The following FRYL variants were observed in gnomAD, a reference collection of about 807,000 sequenced individuals.
FRYL encodes the protein protein furry homolog-like.
A neutral mutation model predicts 351.2 loss-of-function variants in FRYL; 150 were observed. That is an observed-to-expected ratio of 0.43 (90% confidence interval 0.37 to 0.49). FRYL has a LOEUF of 0.49. Ranked by LOEUF, FRYL falls within the 20% of genes least tolerant of loss-of-function variation. The pLI, the probability that FRYL is intolerant of heterozygous loss-of-function variation, is 0.00. For missense variants in FRYL, 3,036 were observed against 3,619.3 expected, an observed-to-expected ratio of 0.84 and a Z score of 4.13; for synonymous variants, 1,153 against 1,257.1, an observed-to-expected ratio of 0.92 and a Z score of 1.75.
intron 2 of FRYL, among the ~76,000 whole-genome samples, chr4:48,698,719 A>G (rs929785361): frequency 6.6e-6 from 1 of 152,218 alleles, no homozygotes; most frequent in African/African-American, 2.4e-5. Context: ...AGAACATGCC[A>G]CCACAAAGCT....
chr4:48,750,983 G>A (rs1460481291), intron 1 of FRYL, among the ~76,000 whole-genome samples: 2 of 152,172 alleles, frequency 1.3e-5, no homozygotes, highest in Non-Finnish European at 2.9e-5. Context: ...ACTGACTTCA[G>A]GCTGAGCAAC....
chr4:48,674,132 G>A (rs370721695), intron 3 of FRYL, among the ~76,000 whole-genome samples: 4 of 151,958 alleles, frequency 2.6e-5, no homozygotes, highest in South Asian at 2.1e-4. Context: ...AATGAACAGC[G>A]ACAATATTAA....
chr4:48,589,679 C>T, intron 18 of FRYL, 66 bp downstream of exon 18: 3 of 1,489,000 alleles, frequency 2.0e-6, no homozygotes, highest in Non-Finnish European at 2.8e-6. Context: ...GACAGGTAAG[C>T]AAGAACCATC....
At position 48,515,218 on chromosome 4, in the gene FRYL, A is replaced by G. The variant is rs1057261155; in HGVS notation, c.7747T>C (p.Tyr2583His). ...GATTCCTGCTGTTCTTGAATTATAT[A>G]GGATCCTTCATCTTCAAAGGTTGTA... ...HVTTFEDEGS[Y>H]IIQEQQESLV... The change falls in exon 56 of 64, where the codon TAT becomes CAT. Residue 2583 changes from tyrosine to histidine, a missense_variant. Physicochemically the swap from Tyr to His is moderately conservative, Grantham distance 83 (BLOSUM62 2). Transcript: ENST00000358350. 5.6e-6 allele frequency: 9 copies of G among 1,611,926 alleles called. No homozygotes were observed. Among genetic ancestry groups the G allele is most frequent in the Non-Finnish European group, 7.6e-6 (9 of 1,178,020 alleles).
intron 3 of FRYL, among the ~76,000 whole-genome samples, chr4:48,647,993 A>G (rs1756875990): frequency 1.3e-5 from 2 of 152,150 alleles, no homozygotes; most frequent in African/African-American, 4.8e-5. Context: ...AATTTCCGTT[A>G]TCTCCTGTAC....
rs752965584 is a variant in FRYL at position 48,549,510 on chromosome 4, C to T, written c.4747G>A (p.Val1583Met). The T allele has an allele frequency of 4.3e-6, 7 of 1,612,538 alleles. No individual in the cohort carries two copies. The highest frequency in any genetic ancestry group is 1.3e-5 in the African/African-American group (1 of 74,990). The change falls in exon 39 of 64, where the codon GTG (valine) becomes ATG (methionine). Residue 1583 changes from valine to methionine, a missense_variant. Transcript: ENST00000358350. The surrounding 1 kb of genome is among the most constrained non-coding windows in gnomAD (Gnocchi z 4.2). ...AATCCAGGTGATGACGTTTCAGGCA[C>T]GTAATCCACCAGTGGTGACCAGCAG... ...GGCWSPLVDYVPETSSPGLPL... is the reference protein window; with the variant it reads ...GGCWSPLVDYMPETSSPGLPL...
intron 53 of FRYL, among the ~76,000 whole-genome samples, chr4:48,525,905 A>C (rs1324409084): frequency 6.6e-6 from 1 of 151,710 alleles, no homozygotes; most frequent in East Asian, 1.9e-4. Context: ...GAGTTGATGA[A>C]TGTGTATGAG....
chr4:48,515,379 GGT>G (rs1470597473), intron 55 of FRYL, 104 bp from the exon 56 acceptor site: 3 of 854,616 alleles, frequency 3.5e-6, no homozygotes, highest in Non-Finnish European at 5.3e-6. Context: ...TTTATTAAGT[GGT>G]GTTCATTTAT....
At chr4:48,586,493 TA>T (rs1177965209) in intron 19 of FRYL, 127 bp downstream of exon 19, 3 of 526,244 alleles carry the variant, frequency 5.7e-6, no homozygotes, top group Non-Finnish European at 9.8e-6. Flanking sequence ...GTTTAGAAAG[TA>T]AATCAGATAA....
chr4:48,552,987 T>C (rs1733218628), intron 36 of FRYL, among the ~76,000 whole-genome samples: 1 of 151,744 alleles, frequency 6.6e-6, no homozygotes, highest in Non-Finnish European at 1.5e-5. Flanking sequence ...TATAGGTGTG[T>C]ATATATATAT....
intron 1 of FRYL, among the ~76,000 whole-genome samples, chr4:48,735,074 G>A (rs1163050293): frequency 2.0e-3 from 237 of 121,536 alleles, no homozygotes; most frequent in Non-Finnish European, 5.5e-4. Context: ...CTACTCATCT[G>A]ACAAAGGGCT....
intron 1 of FRYL, among the ~76,000 whole-genome samples, chr4:48,725,219 T>C (rs996615461): frequency 2.6e-5 from 4 of 152,134 alleles, no homozygotes; most frequent in African/African-American, 4.8e-5. Context: ...CTCCATCCAC[T>C]CCAAGAGCCT....
In FRYL at chr4:48,582,701, A is replaced by G. The variant is rs770015252; in HGVS notation, c.1782T>C (p.Ala594=). 1.9e-6 allele frequency: 3 copies of G among 1,614,116 alleles called. No homozygotes were observed. The highest frequency in any genetic ancestry group is 2.2e-5 in the East Asian group (1 of 44,876). Residue 594 remains alanine, a synonymous_variant, in exon 20 of 64, where the codon GCT becomes GCC. Transcript: ENST00000358350. ...GTGCCTGCAGAGTATTGAAAGCCAG[A>G]GCACGCAGTTCTTCATCCATATGAA... ...LTIHMDEELR[A]LAFNTLQALM...
chr4:48,568,774 GT>G (rs1224667346), intron 27 of FRYL, among the ~76,000 whole-genome samples: 3 of 152,062 alleles, frequency 2.0e-5, no homozygotes, highest in Non-Finnish European at 4.4e-5. Context: ...TTAAATGAGT[GT>G]TTTTCAAGCT....
At chr4:48,587,794 C>T (rs950475085) in intron 18 of FRYL, among the ~76,000 whole-genome samples, 4 of 152,118 alleles carry the variant, frequency 2.6e-5, no homozygotes, top group African/African-American at 9.7e-5. Flanking sequence ...ATACATACGC[C>T]TCGGCCTCCC....
intron 2 of FRYL, among the ~76,000 whole-genome samples, chr4:48,699,121 C>G (rs1766483700): frequency 6.6e-6 from 1 of 152,020 alleles, no homozygotes; most frequent in South Asian, 2.1e-4. Context: ...AGTACTGTAC[C>G]TCTGGATTAT....
chr4:48,498,385 A>G lies in FRYL; in HGVS notation c.*1037T>C, dbSNP rs1386861070. 6.6e-6 allele frequency: 1 copy of G among 152,380 alleles called. No individual in the cohort carries two copies. The highest frequency in any genetic ancestry group is 2.4e-5 in the African/African-American group (1 of 41,466). The allele number at this position is 152,380 out of a possible 1,614,324, so 9.4% of individuals were successfully genotyped here. On this transcript the variant is annotated 3_prime_UTR_variant, in exon 64 of 64. Coordinates refer to ENST00000358350, the MANE Select transcript of FRYL (RefSeq NM_015030.2). ...AGCTTTGTACACCTATTCTTGTATA[A>G]CAACAGTGCATGGCACAAATGTACA...
intron 23 of FRYL, among the ~76,000 whole-genome samples, chr4:48,577,878 T>TA (rs924766391): frequency 7.1e-4 from 101 of 141,652 alleles, no homozygotes; most frequent in Admixed American, 3.1e-3. Flanking sequence ...CCTGCCTCTT[T>TA]AAAAAAAAAA....
At chr4:48,551,035 C>G (rs1412157488) in intron 37 of FRYL, among the ~76,000 whole-genome samples, 7 of 151,406 alleles carry the variant, frequency 4.6e-5, no homozygotes, top group African/African-American at 1.7e-4. Context: ...CCACTGCACT[C>G]CAGTCTGGCA....
Sources: allele counts gnomAD v4.1 joint callset (sites outside exome capture counted in the v4.1 genomes callset), GRCh38; gene constraint gnomAD v4.1.1; non-coding constraint Gnocchi (gnomAD v3.1); transcripts MANE v1.5; gene names NCBI Gene and HGNC (gene_info 2026-07-23, HGNC 2026-07-21).